The following GAP43 variants were observed in gnomAD, a reference collection of about 807,000 sequenced individuals.
GAP43 encodes growth associated protein 43.
In GAP43, 6 loss-of-function variants were observed where a neutral mutation model predicts 18.6. The observed-to-expected ratio is 0.32, with a 90% CI of 0.18 to 0.64. GAP43 has a LOEUF of 0.64. Ranked by LOEUF, GAP43 falls within the 30% of genes least tolerant of loss-of-function variation. The pLI is 0.78. For missense variants in GAP43, 292 were observed against 295.5 expected (o/e 0.99, Z 0.09); for synonymous variants, 115 against 111.4 (o/e 1.03, Z -0.20).
intron 1 of GAP43, among the ~76,000 whole-genome samples, chr3:115,626,130 A>G (rs763571591): frequency 3.3e-5 from 5 of 152,212 alleles, no homozygotes; most frequent in Non-Finnish European, 7.3e-5. Flanking sequence ...CTTAAGTCTC[A>G]CGCAGGTTGC....
At chr3:115,671,471 GT>G (rs570912140) in intron 1 of GAP43, among the ~76,000 whole-genome samples, 32 of 152,278 alleles carry the variant, frequency 2.1e-4, no homozygotes, top group Admixed American at 2.0e-3. Flanking sequence ...AAGTAGGGAT[GT>G]CCTACACCTT....
chr3:115,720,893 A>G lies in GAP43; in HGVS notation c.*11A>G, dbSNP rs764160084. 3 of 1,598,514 alleles carry G rather than the reference A, an allele frequency of 1.9e-6. No homozygotes were observed. The highest frequency in any genetic ancestry group is 1.7e-5 in the Admixed American group (1 of 59,742). On this transcript the variant is annotated 3_prime_UTR_variant, in exon 3 of 3. Coordinates refer to ENST00000305124, the MANE Select transcript of GAP43 (RefSeq NM_002045.4). ...CAAGAACATGCCTGAACTCTAAGAA[A>G]TGGCTTTCCACATCCCCACCCTCCC...
intron 2 of GAP43, among the ~76,000 whole-genome samples, chr3:115,702,915 G>A (rs1180076483): frequency 6.6e-6 from 1 of 152,114 alleles, no homozygotes; most frequent in Admixed American, 6.6e-5. Flanking sequence ...GGAGTCCTGA[G>A]AAAGAGTTGA....
At position 115,696,586 on chromosome 3, in the gene GAP43, C is replaced by G. The variant is rs546645392; in HGVS notation, c.628+19976C>G. On this transcript the variant is annotated intron_variant, in intron 2 of 2. Transcript: ENST00000305124. ...CCTTGCTGCCCCCCACCGCCCCCCC[C>G]CCCCACAAACAGGTATGCTCATATG... Among the ~76,000 whole-genome samples the G allele has an allele frequency of 5.5e-5, 7 of 128,422 alleles. 1 individual carries two copies. The South Asian group carries it at 9.6e-4, about 18-fold the overall frequency. 84.2% of individuals were successfully genotyped at this position (128,422 alleles called of 152,430 possible). A position where few individuals can be genotyped will look rare whatever the true frequency, so the allele number is the denominator to read the frequency against.
chr3:115,658,643 C>G (rs957037002), intron 1 of GAP43: 1 of 152,218 alleles, frequency 6.6e-6, no homozygotes, highest in African/African-American at 2.4e-5. Context: ...CCAGAGGCAG[C>G]GACACGGCGC....
chr3:115,667,606 G>A (rs1708750001), intron 1 of GAP43, among the ~76,000 whole-genome samples: 1 of 152,278 alleles, frequency 6.6e-6, no homozygotes, highest in South Asian at 2.1e-4. Context: ...AGTTCCCTGG[G>A]CTCTGGGGCC....
At chr3:115,698,148 T>TTA (rs1709235519) in intron 2 of GAP43, among the ~76,000 whole-genome samples, 1 of 6,168 alleles carries the variant, frequency 1.6e-4, no homozygotes, top group Non-Finnish European at 3.5e-4. Flanking sequence ...ATAATATATA[T>TTA]TATATATAAT....
chr3:115,709,337 G>T (rs1709405617), intron 2 of GAP43, among the ~76,000 whole-genome samples: 1 of 152,124 alleles, frequency 6.6e-6, no homozygotes, highest in Non-Finnish European at 1.5e-5. Context: ...TTTACCCTTG[G>T]CCAGATTTTC....
At chr3:115,679,761 G>C (rs1305254924) in intron 2 of GAP43, among the ~76,000 whole-genome samples, 1 of 152,118 alleles carries the variant, frequency 6.6e-6, no homozygotes. Context: ...CAGTGATGTG[G>C]TACAACCAAG....
intron 2 of GAP43, among the ~76,000 whole-genome samples, chr3:115,698,141 ATATATAT>A (rs1709234788): frequency 5.0e-4 from 5 of 10,070 alleles, no homozygotes; most frequent in Non-Finnish European, 1.1e-3. Flanking sequence ...AATATATATA[ATATATAT>A]TATATATAAT....
intron 2 of GAP43, among the ~76,000 whole-genome samples, chr3:115,679,146 C>T (rs1195986126): frequency 6.6e-6 from 1 of 151,976 alleles, no homozygotes; most frequent in Non-Finnish European, 1.5e-5. Flanking sequence ...TAGGATTCTA[C>T]AGCTGCCTGG....
At chr3:115,716,059 A>T (rs1334563070) in intron 2 of GAP43, among the ~76,000 whole-genome samples, 1 of 152,206 alleles carries the variant, frequency 6.6e-6, no homozygotes, top group Admixed American at 6.5e-5. Flanking sequence ...AGCACATAGT[A>T]AGAGCTCGAA....
At chr3:115,683,670 T>A (rs1270555901) in intron 2 of GAP43, among the ~76,000 whole-genome samples, 1 of 152,202 alleles carries the variant, frequency 6.6e-6, no homozygotes, top group African/African-American at 2.4e-5. Flanking sequence ...TTCATTAAAG[T>A]AATTAAACAG....
At chr3:115,678,466 T>C (rs1708921025) in intron 2 of GAP43, among the ~76,000 whole-genome samples, 1 of 152,188 alleles carries the variant, frequency 6.6e-6, no homozygotes, top group Non-Finnish European at 1.5e-5. Flanking sequence ...AGTTTTATTA[T>C]GTTTCAGGTT....
intron 2 of GAP43, among the ~76,000 whole-genome samples, chr3:115,682,379 G>A (rs544371547): frequency 6.6e-6 from 1 of 152,084 alleles, no homozygotes; most frequent in South Asian, 2.1e-4. Context: ...TTTATTTATT[G>A]TAGGCAATTG....
At chr3:115,652,198 G>T (rs749220484) in intron 1 of GAP43, among the ~76,000 whole-genome samples, 1 of 151,510 alleles carries the variant, frequency 6.6e-6, no homozygotes, top group Admixed American at 6.6e-5. Flanking sequence ...CAAATAAACT[G>T]TACCGCTCAT....
intron 2 of GAP43, among the ~76,000 whole-genome samples, chr3:115,698,295 T>TAA (rs1268662854): frequency 2.4e-5 from 2 of 82,254 alleles, no homozygotes; most frequent in Admixed American, 4.9e-4. Context: ...ATAATATATA[T>TAA]ATTATATATA....
At chr3:115,702,431 C>A (rs1468216596) in intron 2 of GAP43, among the ~76,000 whole-genome samples, 1 of 151,900 alleles carries the variant, frequency 6.6e-6, no homozygotes, top group African/African-American at 2.4e-5. Context: ...AAAAACTAGA[C>A]CCAGAATGGC....
chr3:115,651,026 G>T (rs1708513840), intron 1 of GAP43, among the ~76,000 whole-genome samples: 1 of 152,154 alleles, frequency 6.6e-6, no homozygotes, highest in Non-Finnish European at 1.5e-5. Context: ...CAGCTACTTG[G>T]GAGGCTGAGG....
Sources: allele counts gnomAD v4.1 joint callset (sites outside exome capture counted in the v4.1 genomes callset), GRCh38; gene constraint gnomAD v4.1.1; transcripts MANE v1.5; gene names NCBI Gene and HGNC (gene_info 2026-07-23, HGNC 2026-07-21).